CNTNAP3: variants seen among roughly 807,000 people sequenced by gnomAD.
CNTNAP3 encodes contactin-associated protein-like 3.
Under a neutral mutation model 92.1 loss-of-function variants are expected in CNTNAP3, and 36 were observed. The observed-to-expected ratio is 0.39, with a 90% confidence interval of 0.30 to 0.52. CNTNAP3 has a LOEUF of 0.52. Ranked by LOEUF, CNTNAP3 falls within the 20% of genes least tolerant of loss-of-function variation. The pLI, the probability that CNTNAP3 is intolerant of heterozygous loss-of-function variation, is 0.76. For synonymous variants in CNTNAP3, 232 were observed against 422.3 expected, an observed-to-expected ratio of 0.55 and a Z score of 5.53; for missense variants, 534 against 1,069.6, an observed-to-expected ratio of 0.50 and a Z score of 6.98.
chr9:39,086,013 T>C (rs368875525), intron 20 of CNTNAP3, 190 bp from the exon 21 acceptor site: 2 of 661,186 alleles, frequency 3.0e-6, no homozygotes, highest in African/African-American at 1.8e-5. Flanking sequence ...ATTCCTATGA[T>C]GCCATCAGCT....
Position 39,072,091 on chromosome 9 carries a change from A to G in CNTNAP3, c.*1799T>C, listed in dbSNP as rs1446539146. 9.2e-6 allele frequency among the ~76,000 whole-genome samples: 1 copy of G among 108,778 alleles called. No homozygotes were observed. Among genetic ancestry groups the G allele is most frequent in the Admixed American group, 9.3e-5 (1 of 10,786 alleles). The allele number at this position is 108,778 out of a possible 152,430, so 71.4% of individuals were successfully genotyped here. A position where few individuals can be genotyped will look rare whatever the true frequency, so the allele number is the denominator to read the frequency against. On this transcript the variant is annotated 3_prime_UTR_variant, in exon 24 of 24. Coordinates refer to ENST00000297668, the MANE Select transcript of CNTNAP3 (RefSeq NM_033655.5). Reference sequence around the variant, plus strand: ...GGTGATGATGTATCAATGCAATTTGATGCATCCGTTTCGCTGTCTTGCAAA... The same window carrying G: ...GGTGATGATGTATCAATGCAATTTGGTGCATCCGTTTCGCTGTCTTGCAAA...
chr9:39,130,240 C>T (rs1821245798), intron 13 of CNTNAP3, among the ~76,000 whole-genome samples: 1 of 151,930 alleles, frequency 6.6e-6, no homozygotes, highest in Non-Finnish European at 1.5e-5. Flanking sequence ...AAACAAACAA[C>T]CCAGATGCCC....
intron 13 of CNTNAP3, among the ~76,000 whole-genome samples, chr9:39,130,453 G>A (rs1821253191): frequency 6.6e-6 from 1 of 150,986 alleles, no homozygotes; most frequent in South Asian, 2.1e-4. Context: ...CCATAGAAAT[G>A]GAGAACATAC....
In CNTNAP3 at chr9:39,260,736, A is replaced by G. The variant is rs1369973863; in HGVS notation, c.196+6160T>C. Among the ~76,000 whole-genome samples, 2 of 2,618 alleles carry G rather than the reference A, an allele frequency of 7.6e-4. 1 individual carries two copies. Among genetic ancestry groups the G allele is most frequent in the African/African-American group, 1.7e-3 (2 of 1,164 alleles). The allele number at this position is 2,618 out of a possible 152,430, so 1.7% of individuals were successfully genotyped here. ...AGACTCTGTCTCCAAAAAAAAAAAA[A>G]AAAAAAAAAAAAAAACCCAACAGCA... On this transcript the variant is annotated intron_variant, in intron 2 of 23. Coordinates refer to ENST00000297668, the MANE Select transcript of CNTNAP3 (RefSeq NM_033655.5).
At position 39,109,188 on chromosome 9, in the gene CNTNAP3, T is replaced by A; in HGVS notation, c.2337A>T (p.Thr779=). 1 of 1,613,028 alleles carries A rather than the reference T, an allele frequency of 6.2e-7. No homozygotes were observed. Among genetic ancestry groups the A allele is most frequent in the Non-Finnish European group, 8.5e-7 (1 of 1,179,806 alleles). Residue 779 remains threonine, a synonymous_variant, in exon 15 of 24, where the codon ACA becomes ACT. Transcript: ENST00000297668. ...AGRPHSEAAY[T]LGPLLCRGDQ... is the part of the protein sequence containing the mutation. The stretch of plus-strand genomic sequence containing the variant: ...CTCCGCGGCAGAGCAGTGGCCCCAG[T>A]GTATAAGCTGCTTCGGAATGTGGTC...
At chr9:39,126,271 C>T (rs1314678063) in intron 13 of CNTNAP3, among the ~76,000 whole-genome samples, 6 of 152,052 alleles carry the variant, frequency 3.9e-5, no homozygotes, top group South Asian at 2.1e-4. Flanking sequence ...GAGAAAGTCT[C>T]GAGAGAAACA....
At chr9:39,087,245 C>A (rs1203306220) in intron 19 of CNTNAP3, among the ~76,000 whole-genome samples, 2 of 152,182 alleles carry the variant, frequency 1.3e-5, no homozygotes, top group African/African-American at 4.8e-5. Context: ...GTAATTATAA[C>A]TTCTAATAAG....
chr9:39,143,938 A>C (rs1821636867), intron 11 of CNTNAP3, among the ~76,000 whole-genome samples: 4 of 152,336 alleles, frequency 2.6e-5, no homozygotes, highest in African/African-American at 9.6e-5. Context: ...ACAAGCTGTT[A>C]CATCATGCAT....
chr9:39,106,332 C>T (rs957925216), intron 15 of CNTNAP3, among the ~76,000 whole-genome samples: 13 of 151,988 alleles, frequency 8.6e-5, no homozygotes, highest in African/African-American at 3.1e-4. Flanking sequence ...ACTTTGTCAC[C>T]CAGGCTGGAG....
At position 39,178,039 on chromosome 9, in the gene CNTNAP3, TTCTGGTTTAGATGATGAATTA is replaced by T. The variant is rs566034184; in HGVS notation, c.742+97_742+117del. ...GTGTATTTTTTATTTCTTAAAGGTG[TTCTGGTTTAGATGATGAATTA>T]TATGGTCATTTTATCTAACTGTGAA... On this transcript the variant is annotated intron_variant, in intron 5 of 23. Coordinates refer to ENST00000297668, the MANE Select transcript of CNTNAP3 (RefSeq NM_033655.5). 911 of 410,274 alleles carry T rather than the reference TTCTGGTTTAGATGATGAATTA, an allele frequency of 2.2e-3. 36 individuals carry two copies. Among genetic ancestry groups the T allele is most frequent in the Non-Finnish European group, 1.0e-3 (247 of 237,716 alleles). The allele number at this position is 410,274 out of a possible 1,614,324, so 25.4% of individuals were successfully genotyped here.
In CNTNAP3 at chr9:39,231,954, G is replaced by GTA. The variant is rs1281312490; in HGVS notation, c.390+7037_390+7038dup. 6.9e-3 allele frequency among the ~76,000 whole-genome samples: 41 copies of GTA among 5,962 alleles called. 19 individuals carry two copies. The highest frequency in any genetic ancestry group is 7.4e-3 in the Admixed American group (2 of 272). 3.9% of individuals were successfully genotyped at this position (5,962 alleles called of 152,430 possible). ...GGATCATTTATGTGTGTGTATGTGT[G>GTA]TATATATATATATATATAAGTGGGA... On this transcript the variant is annotated intron_variant, in intron 3 of 23. Transcript: ENST00000297668.
At chr9:39,148,009 GC>G (rs1311875374) in intron 10 of CNTNAP3, among the ~76,000 whole-genome samples, 1 of 152,098 alleles carries the variant, frequency 6.6e-6, no homozygotes, top group African/African-American at 2.4e-5. Context: ...CACAGTGTGG[GC>G]CCATGGGACA....
At chr9:39,135,745 A>G (rs1821414658) in intron 12 of CNTNAP3, among the ~76,000 whole-genome samples, 1 of 152,172 alleles carries the variant, frequency 6.6e-6, no homozygotes, top group South Asian at 2.1e-4. Flanking sequence ...GTTGGGCAAA[A>G]TCATCTAACA....
In CNTNAP3 at chr9:39,066,596, T is replaced by C. The variant is rs1825514464; in HGVS notation, c.*7294A>G. ...ATGTCTGAAAAATATCTTTGTTTCA[T>C]CCTTTCTTGAAAGACGGTTTTGCTG... is the stretch of plus-strand genomic sequence containing the variant. On this transcript the variant is annotated 3_prime_UTR_variant, in exon 24 of 24. Transcript: ENST00000297668. Among the ~76,000 whole-genome samples the C allele has an allele frequency of 6.6e-6, 1 of 152,284 alleles. No homozygotes were observed. The highest frequency in any genetic ancestry group is 1.5e-5 in the Non-Finnish European group (1 of 68,050).
At chr9:39,130,798 C>A (rs1277938564) in intron 13 of CNTNAP3, among the ~76,000 whole-genome samples, 1 of 151,430 alleles carries the variant, frequency 6.6e-6, no homozygotes, top group Non-Finnish European at 1.5e-5. Flanking sequence ...CCACCGTGCC[C>A]GGCCAATAGG....
rs748829854 is a variant in CNTNAP3 at position 39,253,145 on chromosome 9, AAT to A, written c.196+13749_196+13750del. Among the ~76,000 whole-genome samples the A allele has an allele frequency of 9.7e-3, 58 of 5,988 alleles. 27 individuals carry two copies. Among genetic ancestry groups the A allele is most frequent in the African/African-American group, 0.01 (54 of 5,310 alleles). The allele number at this position is 5,988 out of a possible 152,430, so 3.9% of individuals were successfully genotyped here. A position where few individuals can be genotyped will look rare whatever the true frequency, so the allele number is the denominator to read the frequency against. On this transcript the variant is annotated intron_variant, in intron 2 of 23. Coordinates refer to ENST00000297668, the MANE Select transcript of CNTNAP3 (RefSeq NM_033655.5). ...ATTAAGTACACACTGACTCTCTCTA[AAT>A]ATATATATATATATATATATACACA...
intron 21 of CNTNAP3, among the ~76,000 whole-genome samples, chr9:39,081,032 G>A (rs1188002485): frequency 6.7e-6 from 1 of 149,628 alleles, no homozygotes; most frequent in African/African-American, 2.5e-5. Context: ...ATGAAACAGA[G>A]AACTTTCTTA....
intron 21 of CNTNAP3, among the ~76,000 whole-genome samples, chr9:39,082,862 C>A (rs190917197): frequency 6.6e-6 from 1 of 152,238 alleles, no homozygotes; most frequent in Admixed American, 6.5e-5. Flanking sequence ...CTGCTGCTCA[C>A]GAGGCTTGCT....
intron 18 of CNTNAP3, 69 bp downstream of exon 18, chr9:39,099,842 C>T: frequency 6.4e-7 from 1 of 1,563,700 alleles, no homozygotes; most frequent in South Asian, 1.2e-5. Flanking sequence ...TATCAAATGC[C>T]AGAAGCATTC....
Sources: gnomAD v4.1 joint callset for allele counts (sites outside exome capture counted in the v4.1 genomes callset) on GRCh38, gnomAD v4.1.1 for gene constraint, MANE v1.5 for transcripts, NCBI Gene and HGNC (gene_info 2026-07-23, HGNC 2026-07-21) for gene names.